The following DNAH12 variants were observed in gnomAD, a reference collection of about 807,000 sequenced individuals.
DNAH12 encodes the protein dynein axonemal heavy chain 12, also known as axonemal beta dynein heavy chain 12.
DNAH12 carries 285 observed loss-of-function variants against 371.5 expected under a neutral mutation model. The ratio of observed to expected loss-of-function variants is 0.77; its 90% CI spans 0.70 to 0.85. The LOEUF (loss-of-function observed/expected upper bound fraction) is 0.85. DNAH12 is among the 40% of genes least tolerant of loss of function. DNAH12 has a pLI of 0.00. For synonymous variants in DNAH12, 1,200 were observed against 1,213.0 expected (o/e 0.99, Z 0.22); for missense variants, 3,611 against 3,689.4 (o/e 0.98, Z 0.55).
chr3:57,357,467 TA>T (rs1252810792), intron 58 of DNAH12, 119 bp from the exon 59 acceptor site: 1 of 152,098 alleles, frequency 6.6e-6, no homozygotes, highest in Non-Finnish European at 1.5e-5. Flanking sequence ...TATATGAGTT[TA>T]AGTATGGTTT....
chr3:57,544,987 G>A (rs1482924555), upstream of DNAH12, among the ~76,000 whole-genome samples: 2 of 146,870 alleles, frequency 1.4e-5, no homozygotes, highest in African/African-American at 5.1e-5. Flanking sequence ...CAGTTGCTAC[G>A]TAATTTTTTT....
At chr3:57,411,779 C>T (rs1418153724) in intron 39 of DNAH12, among the ~76,000 whole-genome samples, 2 of 152,070 alleles carry the variant, frequency 1.3e-5, no homozygotes, top group African/African-American at 4.8e-5. Context: ...AGATTCAACG[C>T]AATCCCAATC....
chr3:57,530,002 T>C (rs2068785499), intron 2 of DNAH12, among the ~76,000 whole-genome samples: 1 of 152,154 alleles, frequency 6.6e-6, no homozygotes, highest in South Asian at 2.1e-4. Context: ...CACTGGTCAC[T>C]CAAAAGCATA....
chr3:57,356,126 A>G (rs2062791385), intron 59 of DNAH12, among the ~76,000 whole-genome samples: 1 of 152,194 alleles, frequency 6.6e-6, no homozygotes, highest in African/African-American at 2.4e-5. Flanking sequence ...AAGTGATTAA[A>G]GTGCAAATAT....
intron 73 of DNAH12, among the ~76,000 whole-genome samples, chr3:57,294,960 G>T (rs1022423868): frequency 1.3e-5 from 2 of 152,238 alleles, no homozygotes; most frequent in South Asian, 4.2e-4. Context: ...AAAAAGTTAG[G>T]GAAGAGAAAA....
intron 33 of DNAH12, among the ~76,000 whole-genome samples, chr3:57,429,456 G>T (rs145178175): frequency 6.6e-6 from 1 of 152,116 alleles, no homozygotes; most frequent in African/African-American, 2.4e-5. Flanking sequence ...AATTACAGGC[G>T]TGAGCCACCG....
chr3:57,451,453 G>A (rs2065752827), intron 25 of DNAH12, among the ~76,000 whole-genome samples: 1 of 152,126 alleles, frequency 6.6e-6, no homozygotes, highest in South Asian at 2.1e-4. Context: ...CAAGCAACGT[G>A]GCTGAAACCC....
intron 1 of DNAH12, 72 bp from the exon 2 acceptor site, chr3:57,542,975 A>G (rs2069360174): frequency 2.6e-6 from 3 of 1,136,328 alleles, no homozygotes; most frequent in Non-Finnish European, 3.5e-6. Flanking sequence ...TATCTAACAT[A>G]TCAATACCAA....
At chr3:57,359,970 G>A (rs1318162118) in intron 58 of DNAH12, among the ~76,000 whole-genome samples, 1 of 152,208 alleles carries the variant, frequency 6.6e-6, no homozygotes, top group African/African-American at 2.4e-5. Flanking sequence ...GCAATGATCA[G>A]TGGGATCCAG....
intron 22 of DNAH12, 107 bp downstream of exon 22, chr3:57,457,614 T>C: frequency 8.3e-7 from 1 of 1,209,804 alleles, no homozygotes. Context: ...AGAAAATAAA[T>C]GATTTAAAAT....
chr3:57,468,362 C>A (rs1243806327), intron 17 of DNAH12, among the ~76,000 whole-genome samples: 1 of 152,138 alleles, frequency 6.6e-6, no homozygotes, highest in Non-Finnish European at 1.5e-5. Flanking sequence ...GTGGCTCATG[C>A]CTGTAATCCC....
At chr3:57,435,575 G>C (rs1394304752) in intron 30 of DNAH12, among the ~76,000 whole-genome samples, 1 of 152,018 alleles carries the variant, frequency 6.6e-6, no homozygotes, top group Non-Finnish European at 1.5e-5. Context: ...GAATCAAATA[G>C]ATAAAAAGCT....
At chr3:57,421,902 CTTT>C (rs368757579) in intron 35 of DNAH12, among the ~76,000 whole-genome samples, 196 bp from the exon 36 acceptor site, 993 of 98,494 alleles carry the variant, frequency 0.01, 21 homozygotes, top group African/African-American at 0.045. Flanking sequence ...GTTTGCATGT[CTTT>C]TTTTTTTTTT....
intron 39 of DNAH12, among the ~76,000 whole-genome samples, chr3:57,412,646 C>G (rs1575565894): frequency 6.6e-6 from 1 of 152,166 alleles, no homozygotes. Context: ...ACAGACACCT[C>G]ACCAAGTAAG....
Position 57,446,123 on chromosome 3 carries a change from C to T in DNAH12, c.4087G>A (p.Gly1363Arg), listed in dbSNP as rs1207819729. The T allele has an allele frequency of 1.3e-6, 2 of 1,551,546 alleles. No individual in the cohort carries two copies. Among genetic ancestry groups the T allele is most frequent in the Admixed American group, 2.0e-5 (1 of 50,974 alleles). The change falls in exon 27 of 74, where the codon GGG becomes AGG. Residue 1363 changes from glycine to arginine, a missense_variant. Around this residue, in one of 3 missense-constraint regions of DNAH12, gnomAD observed 2,266 missense variants for 2,236.9 expected, o/e 1.01. Coordinates refer to ENST00000495027, the MANE Select transcript of DNAH12 (RefSeq NM_001366028.2). Reference sequence around the variant, plus strand: ...TTCGGATTGAGCTTAAGTTCTGTCCCTTCAAAAACAAACACAACCAACTTC... The same window carrying T: ...TTCGGATTGAGCTTAAGTTCTGTCCTTTCAAAAACAAACACAACCAACTTC... ...QQKLVVFVFEGTELKLNPNCF... is the reference protein window; with the variant it reads ...QQKLVVFVFERTELKLNPNCF...
chr3:57,371,047 T>C (rs1165377770), intron 55 of DNAH12, among the ~76,000 whole-genome samples: 1 of 152,214 alleles, frequency 6.6e-6, no homozygotes, highest in Admixed American at 6.5e-5. Context: ...TGTGGGTCTA[T>C]ATCTCATACA....
chr3:57,345,145 A>C (rs1336635051), intron 60 of DNAH12, among the ~76,000 whole-genome samples: 3 of 152,202 alleles, frequency 2.0e-5, no homozygotes, highest in African/African-American at 7.2e-5. Flanking sequence ...TATATACTGT[A>C]TTTACCAATA....
At chr3:57,480,927 A>G (rs1294672155) in intron 13 of DNAH12, among the ~76,000 whole-genome samples, 2 of 152,204 alleles carry the variant, frequency 1.3e-5, no homozygotes, top group African/African-American at 2.4e-5. Context: ...TCTCAAAATA[A>G]TAAGAGCTAT....
At chr3:57,470,183 G>C (rs2066326171) in intron 16 of DNAH12, among the ~76,000 whole-genome samples, 1 of 151,874 alleles carries the variant, frequency 6.6e-6, no homozygotes, top group African/African-American at 2.4e-5. Flanking sequence ...AACAACGTTT[G>C]AGGGAGGCAT....
Sources: allele counts gnomAD v4.1 joint callset (sites outside exome capture counted in the v4.1 genomes callset), GRCh38; gene constraint gnomAD v4.1.1; regional missense constraint gnomAD v4.1.1; transcripts MANE v1.5; gene names NCBI Gene and HGNC (gene_info 2026-07-23, HGNC 2026-07-21).